Variants in EGFLAM observed in about 807,000 individuals in gnomAD.
EGFLAM encodes EGF like, fibronectin type III and laminin G domains, also known as pikachurin.
EGFLAM carries 79 observed loss-of-function variants against 113.1 expected under a neutral mutation model. The ratio of observed to expected loss-of-function variants is 0.70; its 90% CI spans 0.58 to 0.84. EGFLAM has a LOEUF of 0.84. Among genes scored for constraint, EGFLAM ranks in the 40% least tolerant of loss-of-function variants. The pLI, the probability that EGFLAM is intolerant of heterozygous loss-of-function variation, is 0.00. For synonymous variants in EGFLAM, 504 were observed against 487.6 expected (o/e 1.03, Z -0.44); for missense variants, 1,265 against 1,291.6 (o/e 0.98, Z 0.32).
chr5:38,443,019 C>G (rs1188896036), intron 17 of EGFLAM, among the ~76,000 whole-genome samples: 2 of 152,056 alleles, frequency 1.3e-5, no homozygotes, highest in Non-Finnish European at 2.9e-5. Context: ...TAATCCCAGC[C>G]CTTTGGGAGG....
chr5:38,268,052 A>G (rs1232207807), intron 1 of EGFLAM, among the ~76,000 whole-genome samples: 3 of 152,100 alleles, frequency 2.0e-5, no homozygotes, highest in Non-Finnish European at 4.4e-5. Flanking sequence ...TGTTTCCCTC[A>G]CACAACAGTA....
intron 6 of EGFLAM, among the ~76,000 whole-genome samples, chr5:38,399,277 G>GTTTTTTTTTTTTTTT (rs797021726): frequency 2.5e-5 from 3 of 118,472 alleles, no homozygotes; most frequent in Non-Finnish European, 3.5e-5. Flanking sequence ...TTTTGTTTTC[G>GTTTTTTTTTTTTTTT]TTTTTTTTTT....
intron 6 of EGFLAM, chr5:38,399,864 CAGG>C (rs1350224180): frequency 6.6e-6 from 1 of 152,194 alleles, no homozygotes; most frequent in Non-Finnish European, 1.5e-5. Context: ...TCACCTCCTA[CAGG>C]AGAACACAAT....
chr5:38,435,990 G>A (rs901478850), intron 16 of EGFLAM, among the ~76,000 whole-genome samples: 9 of 151,868 alleles, frequency 5.9e-5, no homozygotes, highest in African/African-American at 2.2e-4. Flanking sequence ...GCTAATTTTT[G>A]TATTTTTAGT....
At chr5:38,460,553 T>G (rs1281527827) in intron 20 of EGFLAM, among the ~76,000 whole-genome samples, 2 of 152,210 alleles carry the variant, frequency 1.3e-5, no homozygotes, top group African/African-American at 4.8e-5. Flanking sequence ...CTGGGCACCA[T>G]GCAGATGGCT....
chr5:38,278,066 A>C (rs1286296171), intron 1 of EGFLAM, among the ~76,000 whole-genome samples: 1 of 152,212 alleles, frequency 6.6e-6, no homozygotes, highest in Non-Finnish European at 1.5e-5. Context: ...GAACCACAAA[A>C]GGCCCCAAAT....
chr5:38,348,406 G>T (rs1184279766), intron 3 of EGFLAM, among the ~76,000 whole-genome samples: 2 of 152,134 alleles, frequency 1.3e-5, no homozygotes, highest in Non-Finnish European at 2.9e-5. Context: ...TGGATGGAGG[G>T]TATTGGAAAG....
intron 17 of EGFLAM, chr5:38,445,396 A>AT (rs1742672981): frequency 8.9e-7 from 1 of 1,125,576 alleles, no homozygotes; most frequent in Non-Finnish European, 1.2e-6. Context: ...CAGACAGCTG[A>AT]TTCTAAACAT....
chr5:38,361,768 C>T (rs1211514926), intron 5 of EGFLAM, among the ~76,000 whole-genome samples: 2 of 152,186 alleles, frequency 1.3e-5, no homozygotes, highest in Non-Finnish European at 2.9e-5. Flanking sequence ...AGCTGGATCC[C>T]TGAGCAAGCT....
chr5:38,286,411 A>G (rs902143870), intron 1 of EGFLAM: 1 of 152,256 alleles, frequency 6.6e-6, no homozygotes, highest in Non-Finnish European at 1.5e-5. Flanking sequence ...TCTGACACAC[A>G]AATCTTTTAC....
At chr5:38,308,013 G>A (rs141843168) in intron 1 of EGFLAM, among the ~76,000 whole-genome samples, 4 of 152,266 alleles carry the variant, frequency 2.6e-5, no homozygotes, top group African/African-American at 9.6e-5. Context: ...GGGAAGGCCT[G>A]GTTATTCCAT....
chr5:38,452,199 C>G (rs1217117305), intron 19 of EGFLAM, among the ~76,000 whole-genome samples: 2 of 151,704 alleles, frequency 1.3e-5, no homozygotes, highest in Non-Finnish European at 2.9e-5. Context: ...CCATGTCTGG[C>G]TTTTTGTATT....
chr5:38,379,936 A>C (rs1740467201), intron 6 of EGFLAM, among the ~76,000 whole-genome samples: 1 of 152,184 alleles, frequency 6.6e-6, no homozygotes, highest in Admixed American at 6.5e-5. Flanking sequence ...ATGGTCAGCA[A>C]ATTTTTCTAT....
At chr5:38,282,424 A>C (rs1298312288) in intron 1 of EGFLAM, 1 of 152,222 alleles carries the variant, frequency 6.6e-6, no homozygotes, top group Admixed American at 6.5e-5. Context: ...TAGAACAAGC[A>C]GCTCAGTTAT....
intron 3 of EGFLAM, among the ~76,000 whole-genome samples, chr5:38,348,786 C>A (rs760157020): frequency 3.3e-5 from 5 of 151,894 alleles, no homozygotes; most frequent in Non-Finnish European, 7.4e-5. Context: ...CTGGTAGATA[C>A]TGGATCTAGG....
chr5:38,425,038 G>A lies in EGFLAM; in HGVS notation c.1756G>A (p.Asp586Asn), dbSNP rs373444710. 13 of 1,613,942 alleles carry A rather than the reference G, an allele frequency of 8.1e-6. No homozygotes were observed. The highest frequency in any genetic ancestry group is 5.5e-5 in the South Asian group (5 of 91,066). The change falls in exon 13 of 22, where the codon GAC (aspartate) becomes AAC (asparagine). Residue 586 changes from aspartate to asparagine, a missense_variant. Asp to Asn is a conservative substitution (Grantham distance 23). Coordinates refer to ENST00000322350, the MANE Select transcript of EGFLAM (RefSeq NM_152403.4). ...TGGCACCTGCACAGCAATCAAAGCC[G>A]ACTCCTACATTTGCCTCTGTCCCCT... ...HGGTCTAIKA[D>N]SYICLCPLGF... is the part of the protein sequence containing the mutation.
chr5:38,333,301 C>T (rs1328636861), intron 1 of EGFLAM, among the ~76,000 whole-genome samples: 2 of 152,110 alleles, frequency 1.3e-5, no homozygotes, highest in Non-Finnish European at 2.9e-5. Context: ...CTTTATATTC[C>T]TCTGGGTGTA....
At chr5:38,459,081 G>A (rs1357718396) in intron 20 of EGFLAM, among the ~76,000 whole-genome samples, 1 of 151,880 alleles carries the variant, frequency 6.6e-6, no homozygotes, top group East Asian at 1.9e-4. Flanking sequence ...CTGTCACCTA[G>A]GCTGGAGTAC....
chr5:38,448,272 T>C lies in EGFLAM; in HGVS notation c.2465-29T>C, dbSNP rs373402587. 4.3e-5 allele frequency: 70 copies of C among 1,613,724 alleles called. No homozygotes were observed. In the African/African-American group the frequency reaches 6.5e-4, roughly 15 times the overall value. Reference sequence around the variant, plus strand: ...CAGGGGTCAAGAGAACCACATACTATGTAACCTCCTTTTTCTGTTCTGTCC... The same window carrying C: ...CAGGGGTCAAGAGAACCACATACTACGTAACCTCCTTTTTCTGTTCTGTCC... On this transcript the variant is annotated intron_variant, in intron 17 of 21. Coordinates refer to ENST00000322350, the MANE Select transcript of EGFLAM (RefSeq NM_152403.4).
Sources: gnomAD v4.1 joint callset for allele counts (sites outside exome capture counted in the v4.1 genomes callset) on GRCh38, gnomAD v4.1.1 for gene constraint, MANE v1.5 for transcripts, NCBI Gene and HGNC (gene_info 2026-07-23, HGNC 2026-07-21) for gene names.